The following ZNF423 variants were observed in gnomAD, a reference collection of about 807,000 sequenced individuals.
ZNF423 encodes zinc finger protein 423.
Under a neutral mutation model 95.8 loss-of-function variants are expected in ZNF423, and 12 were observed. The observed-to-expected ratio is 0.13, with a 90% CI of 0.08 to 0.20. ZNF423 has a LOEUF of 0.20. Among genes scored for constraint, ZNF423 ranks in the 10% least tolerant of loss-of-function variants. ZNF423 has a pLI of 1.00. For missense variants in ZNF423, 1,316 were observed against 1,737.1 expected (o/e 0.76, Z 4.31); for synonymous variants, 749 against 711.9 (o/e 1.05, Z -0.83).
chr16:49,541,120 C>A (rs1389664035), intron 5 of ZNF423, among the ~76,000 whole-genome samples: 1 of 152,206 alleles, frequency 6.6e-6, no homozygotes, highest in African/African-American at 2.4e-5. Flanking sequence ...GCACCCAGAA[C>A]CTATGCTTCC....
intron 2 of ZNF423, among the ~76,000 whole-genome samples, chr16:49,787,500 T>C (rs1332464414): frequency 1.3e-5 from 2 of 152,216 alleles, no homozygotes; most frequent in African/African-American, 4.8e-5. Context: ...GCACGAGGCA[T>C]GCTCAGCTCT....
intron 7 of ZNF423, among the ~76,000 whole-genome samples, chr16:49,503,429 G>A (rs1402481738): frequency 1.3e-5 from 2 of 152,058 alleles, no homozygotes; most frequent in African/African-American, 4.8e-5. Context: ...TCTGGTTCTT[G>A]CTGGCCCACA....
chr16:49,858,513 G>T (rs2035396197), upstream of ZNF423, among the ~76,000 whole-genome samples: 1 of 152,012 alleles, frequency 6.6e-6, no homozygotes, highest in African/African-American at 2.4e-5. The surrounding 1 kb of genome is among the most constrained non-coding windows in gnomAD (Gnocchi z 4.3). Context: ...TAAACGCGAC[G>T]CCTAGCTGGA....
intron 3 of ZNF423, chr16:49,711,777 G>A (rs1015271854): frequency 6.6e-6 from 1 of 152,128 alleles, no homozygotes; most frequent in Non-Finnish European, 1.5e-5. Context: ...AAGGGGGTGG[G>A]GACAGCCTGA....
chr16:49,762,685 G>A (rs532977488), intron 2 of ZNF423, among the ~76,000 whole-genome samples: 3 of 152,288 alleles, frequency 2.0e-5, no homozygotes, highest in African/African-American at 4.8e-5. Context: ...CTCAGGAGGT[G>A]CAAGGACACT....
At chr16:49,522,862 T>A (rs1214993146) in intron 7 of ZNF423, among the ~76,000 whole-genome samples, 1 of 152,212 alleles carries the variant, frequency 6.6e-6, no homozygotes, top group Non-Finnish European at 1.5e-5. Context: ...CTGGTGGGCA[T>A]GTGATCTCTC....
At chr16:49,789,568 G>C (rs1040994309) in intron 1 of ZNF423, 22 bp from the exon 2 acceptor site, 1 of 1,608,256 alleles carries the variant, frequency 6.2e-7, no homozygotes. Context: ...AACAGAGATG[G>C]GCCTGTGAGT....
At chr16:49,740,325 A>G (rs920847720) in intron 2 of ZNF423, among the ~76,000 whole-genome samples, 2 of 152,156 alleles carry the variant, frequency 1.3e-5, no homozygotes, top group African/African-American at 4.8e-5. Context: ...CTGCTCACAG[A>G]GAAGAACCCT....
At chr16:49,740,339 C>T (rs1270162933) in intron 2 of ZNF423, among the ~76,000 whole-genome samples, 3 of 152,202 alleles carry the variant, frequency 2.0e-5, no homozygotes, top group Non-Finnish European at 4.4e-5. Context: ...GAACCCTCTC[C>T]TCCATGAACA....
chr16:49,760,915 AACACACAC>A (rs112034770), intron 2 of ZNF423, among the ~76,000 whole-genome samples: 3 of 148,196 alleles, frequency 2.0e-5, no homozygotes, highest in African/African-American at 7.5e-5. Flanking sequence ...ACCTCCCTCC[AACACACAC>A]ACACACACAC....
intron 3 of ZNF423, among the ~76,000 whole-genome samples, chr16:49,650,004 G>C (rs1188233410): frequency 1.3e-5 from 2 of 152,244 alleles, no homozygotes; most frequent in African/African-American, 2.4e-5. Flanking sequence ...CAAAGTATAA[G>C]CAAGGAAAAG....
chr16:49,518,772 G>T (rs117199050), intron 7 of ZNF423, among the ~76,000 whole-genome samples: 5,240 of 152,236 alleles, frequency 0.034, 146 homozygotes, highest in Non-Finnish European at 0.049. Flanking sequence ...TTTATCCATG[G>T]CACCAGGGAC....
chr16:49,807,694 G>C (rs2034687435), intron 1 of ZNF423, among the ~76,000 whole-genome samples: 1 of 152,216 alleles, frequency 6.6e-6, no homozygotes, highest in African/African-American at 2.4e-5. Context: ...GGGACCCCAG[G>C]CAGCTCCACC....
intron 2 of ZNF423, among the ~76,000 whole-genome samples, chr16:49,753,671 T>C (rs1305183591): frequency 9.9e-5 from 15 of 151,362 alleles, no homozygotes; most frequent in Admixed American, 8.5e-4. Flanking sequence ...CAGCTTCAGC[T>C]CTGGCTATCA....
chr16:49,651,567 G>T (rs1346921992), intron 3 of ZNF423, among the ~76,000 whole-genome samples: 1 of 152,198 alleles, frequency 6.6e-6, no homozygotes, highest in Non-Finnish European at 1.5e-5. Context: ...CTTACTATGT[G>T]TGTGACCTTA....
intron 1 of ZNF423, chr16:49,853,651 C>T (rs1352729737): frequency 2.0e-6 from 2 of 985,250 alleles, no homozygotes; most frequent in Admixed American, 1.2e-4. Context: ...CACATACACA[C>T]ATACACATTT....
At chr16:49,801,092 CTT>C (rs1462347673) in intron 1 of ZNF423, among the ~76,000 whole-genome samples, 3 of 152,340 alleles carry the variant, frequency 2.0e-5, no homozygotes, top group African/African-American at 4.8e-5. Flanking sequence ...TGTCTTTTTT[CTT>C]CTTCTAAAAC....
At chr16:49,691,778 A>T (rs1406168234) in intron 3 of ZNF423, among the ~76,000 whole-genome samples, 3 of 151,606 alleles carry the variant, frequency 2.0e-5, no homozygotes, top group African/African-American at 7.3e-5. Context: ...AGTAACAGAG[A>T]TGTTGAGGGT....
intron 1 of ZNF423, chr16:49,854,015 G>A (rs956629003): frequency 7.1e-6 from 7 of 985,262 alleles, no homozygotes; most frequent in East Asian, 1.1e-4. Context: ...AGTGAGCCAG[G>A]GAAAGAGAAA....
Sources: gnomAD v4.1 joint callset for allele counts (sites outside exome capture counted in the v4.1 genomes callset) on GRCh38, gnomAD v4.1.1 for gene constraint, Gnocchi (gnomAD v3.1) non-coding constraint, MANE v1.5 for transcripts, NCBI Gene and HGNC (gene_info 2026-07-23, HGNC 2026-07-21) for gene names.